The following SULF2 variants were observed in gnomAD, a reference collection of about 807,000 sequenced individuals.
SULF2 encodes the protein extracellular sulfatase Sulf-2.
A neutral mutation model predicts 107.7 loss-of-function variants in SULF2; 52 were observed. The ratio of observed to expected loss-of-function variants is 0.48; its 90% CI spans 0.39 to 0.61. SULF2 has a LOEUF of 0.61. SULF2 is among the 20% of genes least tolerant of loss of function. The probability of loss-of-function intolerance (pLI) is 0.00; values close to 1 mark genes in which losing one functional copy is unlikely to be tolerated. For synonymous variants in SULF2, 460 were observed against 464.3 expected, an observed-to-expected ratio of 0.99 and a Z score of 0.12; for missense variants, 993 against 1,177.3, an observed-to-expected ratio of 0.84 and a Z score of 2.29.
rs2087882026 is a variant in SULF2 at position 47,683,098 on chromosome 20, G to A, written c.960C>T (p.Tyr320=). The change falls in exon 7 of 21, where the codon TAC becomes TAT. Residue 320 remains tyrosine, a synonymous_variant. Transcript: ENST00000688720. ...TYIVYTADHG[Y]HIGQFGLVKG... ...TCACCAGGCCAAACTGGCCGATGTG[G>A]TAACCGTGGTCGGCGGTGTATACGA... 6.2e-7 allele frequency: 1 copy of A among 1,613,704 alleles called. No individual in the cohort carries two copies. The highest frequency in any genetic ancestry group is 8.5e-7 in the Non-Finnish European group (1 of 1,179,912).
chr20:47,705,068 C>T lies in SULF2; in HGVS notation c.416-2398G>A, dbSNP rs144008313. 6.0e-4 allele frequency among the ~76,000 whole-genome samples: 92 copies of T among 152,268 alleles called. No individual in the cohort carries two copies. In the East Asian group the frequency reaches 0.014, roughly 24 times the overall value. On this transcript the variant is annotated intron_variant, in intron 3 of 20. Transcript: ENST00000688720. ...TGGGAAAACCCCTTAGGAACCCAAG[C>T]GGCTGGATTCTGAAACCCCCAAAAT...
At chr20:47,674,266 C>T (rs1300870392) in intron 10 of SULF2, among the ~76,000 whole-genome samples, 2 of 152,330 alleles carry the variant, frequency 1.3e-5, no homozygotes, top group East Asian at 3.9e-4. Flanking sequence ...GGGGGCGGCG[C>T]CTGAGCCCCA....
At chr20:47,740,904 G>A (rs6094799) in intron 2 of SULF2, among the ~76,000 whole-genome samples, 21,790 of 151,900 alleles carry the variant, frequency 0.14, 3,375 homozygotes, top group African/African-American at 0.39. Context: ...TGCTCCTCCC[G>A]AAGCCACTCC....
chr20:47,670,127 G>T (rs553693102), intron 11 of SULF2, among the ~76,000 whole-genome samples: 1 of 152,146 alleles, frequency 6.6e-6, no homozygotes, highest in Non-Finnish European at 1.5e-5. Flanking sequence ...AGATCACTGC[G>T]CCTGCCGTCA....
At chr20:47,743,294 A>G (rs1010727450) in intron 2 of SULF2, among the ~76,000 whole-genome samples, 1 of 151,476 alleles carries the variant, frequency 6.6e-6, no homozygotes, top group Middle Eastern at 3.4e-3. Context: ...AAGCTGTTCT[A>G]TTCTCCGTTT....
At chr20:47,735,821 G>C (rs907472142) in intron 3 of SULF2, among the ~76,000 whole-genome samples, 2 of 152,112 alleles carry the variant, frequency 1.3e-5, no homozygotes, top group Non-Finnish European at 2.9e-5. Context: ...GCCCAGCCTC[G>C]AGGGCTGCAG....
chr20:47,688,741 T>C (rs4810653), intron 5 of SULF2, among the ~76,000 whole-genome samples: 103,025 of 151,962 alleles, frequency 0.68, 35,328 homozygotes, highest in African/African-American at 0.76. Context: ...CATCGTCTTC[T>C]GTCAAAGCCT....
chr20:47,768,579 G>C (rs924954294), intron 1 of SULF2, among the ~76,000 whole-genome samples: 1 of 152,388 alleles, frequency 6.6e-6, no homozygotes, highest in African/African-American at 2.4e-5. Context: ...GCCCACGCTA[G>C]GCCTCCTTGG....
Position 47,757,343 on chromosome 20 carries a change from C to A in SULF2, c.21G>T (p.Val7=). ...ACACAGTTGCGGACAGCAAGCACAG[C>A]ACGAGGCTCGGGGGGCCCATCTTCT... is the stretch of plus-strand genomic sequence containing the variant. MGPPSL[V]LCLLSATVFS... The change falls in exon 2 of 21, where the codon GTG becomes GTT. Residue 7 remains valine (V), a synonymous_variant. Coordinates refer to ENST00000688720, the MANE Select transcript of SULF2 (RefSeq NM_001387048.1). The A allele has an allele frequency of 6.3e-7, 1 of 1,599,764 alleles. No individual in the cohort carries two copies. The highest frequency in any genetic ancestry group is 1.3e-5 in the African/African-American group (1 of 74,848).
At chr20:47,763,969 C>T (rs1450937170) in intron 1 of SULF2, among the ~76,000 whole-genome samples, 2 of 152,260 alleles carry the variant, frequency 1.3e-5, no homozygotes, top group Non-Finnish European at 2.9e-5. Context: ...TCCATCACCT[C>T]TCCGACCTTA....
chr20:47,698,972 G>A (rs1054474122), intron 4 of SULF2, among the ~76,000 whole-genome samples: 3 of 152,066 alleles, frequency 2.0e-5, no homozygotes, highest in East Asian at 1.9e-4. Context: ...CAGAGGTTGT[G>A]GTAAGCCAAG....
chr20:47,782,240 A>C (rs2090845962), intron 1 of SULF2, among the ~76,000 whole-genome samples: 1 of 152,094 alleles, frequency 6.6e-6, no homozygotes, highest in South Asian at 2.1e-4. Flanking sequence ...CTGACACCCA[A>C]CTGTGGCCAG....
chr20:47,676,421 C>A, intron 10 of SULF2, 73 bp downstream of exon 10: 1 of 1,546,162 alleles, frequency 6.5e-7, no homozygotes, highest in Non-Finnish European at 8.7e-7. Context: ...CTCAGCGGCT[C>A]TCAGAGCCTC....
At position 47,757,423 on chromosome 20, in the gene SULF2, T is replaced by C. The variant is rs895272664; in HGVS notation, c.-60A>G. On this transcript the variant is annotated 5_prime_UTR_variant, in exon 2 of 21. Transcript: ENST00000688720. The stretch of plus-strand genomic sequence containing the variant: ...ATGCGGGAGTCTCAAGTTGCGTCTG[T>C]GGCTTTGTTTCTTTTCCCTCGTCCC... The C allele has an allele frequency of 1.3e-6, 2 of 1,497,576 alleles. No individual in the cohort carries two copies. The highest frequency in any genetic ancestry group is 1.8e-6 in the Non-Finnish European group (2 of 1,114,030). 92.8% of individuals were successfully genotyped at this position (1,497,576 alleles called of 1,614,324 possible).
At chr20:47,676,668 T>G in intron 9 of SULF2, 45 bp from the exon 10 acceptor site, 7 of 1,545,446 alleles carry the variant, frequency 4.5e-6, no homozygotes, top group Non-Finnish European at 6.1e-6. Context: ...CTCTCAGCTC[T>G]GGAGGAGCCC....
Position 47,682,978 on chromosome 20 carries a change from G to A in SULF2, c.1064+16C>T, listed in dbSNP as rs755497233. The stretch of plus-strand genomic sequence containing the variant: ...CCCAGGGGCCTCCCTGGGTCCCTGG[G>A]GGATGACACACTTACAGACAGCCGG... On this transcript the variant is annotated intron_variant, in intron 7 of 20. Coordinates refer to ENST00000688720, the MANE Select transcript of SULF2 (RefSeq NM_001387048.1). 12 of 1,586,714 alleles carry A rather than the reference G, an allele frequency of 7.6e-6. No homozygotes were observed. The South Asian group carries it at 1.3e-4, about 17-fold the overall frequency.
intron 14 of SULF2, 29 bp from the exon 15 acceptor site, chr20:47,664,218 T>C: frequency 6.2e-7 from 1 of 1,604,572 alleles, no homozygotes; most frequent in East Asian, 2.2e-5. Context: ...GCCCCAGGCT[T>C]CAGGAGTGGC....
intron 20 of SULF2, among the ~76,000 whole-genome samples, 162 bp from the exon 21 acceptor site, chr20:47,658,554 TTTTG>T (rs2086967934): frequency 6.6e-6 from 1 of 152,200 alleles, no homozygotes; most frequent in African/African-American, 2.4e-5. Context: ...CACCTCAATT[TTTTG>T]TTTACTTATA....
At chr20:47,698,439 G>T (rs1042991370) in intron 4 of SULF2, among the ~76,000 whole-genome samples, 12 of 152,132 alleles carry the variant, frequency 7.9e-5, no homozygotes, top group Non-Finnish European at 4.4e-5. Context: ...GGACTCCTGG[G>T]AAAGAGACTC....
Sources: gnomAD v4.1 joint callset for allele counts (sites outside exome capture counted in the v4.1 genomes callset) on GRCh38, gnomAD v4.1.1 for gene constraint, MANE v1.5 for transcripts, NCBI Gene and HGNC (gene_info 2026-07-23, HGNC 2026-07-21) for gene names.